PRKAR2A: variants seen among roughly 807,000 people sequenced by gnomAD.
The protein encoded by PRKAR2A is cAMP-dependent protein kinase type II-alpha regulatory subunit.
A neutral mutation model predicts 51.9 loss-of-function variants in PRKAR2A; 29 were observed. That is an observed-to-expected ratio of 0.56 (90% confidence interval 0.42 to 0.76). PRKAR2A has a LOEUF of 0.76. Ranked by LOEUF, PRKAR2A falls within the 30% of genes least tolerant of loss-of-function variation. PRKAR2A has a pLI of 0.00. For missense variants in PRKAR2A, 445 were observed against 512.1 expected (o/e 0.87, Z 1.26); for synonymous variants, 178 against 186.2 (o/e 0.96, Z 0.36).
chr3:48,782,963 A>T, intron 5 of PRKAR2A, 23 bp downstream of exon 5: 1 of 1,496,048 alleles, frequency 6.7e-7, no homozygotes, highest in Non-Finnish European at 9.3e-7. Flanking sequence ...GTGGCCACAC[A>T]ATTTCAAAGC....
chr3:48,759,377 C>T (rs1319134670), intron 8 of PRKAR2A, among the ~76,000 whole-genome samples: 4 of 151,164 alleles, frequency 2.6e-5, no homozygotes, highest in Admixed American at 2.0e-4. Flanking sequence ...GGAAGAGCAT[C>T]CTGCCCCTTT....
In PRKAR2A at chr3:48,847,591, G is replaced by A. The variant is rs1452644112; in HGVS notation, c.6C>T (p.Ser2=). Residue 2 remains serine, a synonymous_variant, in exon 1 of 11, where the codon AGC becomes AGT. Coordinates refer to ENST00000265563, the MANE Select transcript of PRKAR2A (RefSeq NM_004157.4). The surrounding 1 kb of genome is among the most constrained non-coding windows in gnomAD (Gnocchi z 4.4). The stretch of plus-strand genomic sequence containing the variant: ...TGAGCCCCGGCGGGATCTGGATGTG[G>A]CTCATGCCGGCGGCGGCCGAAGGGA... M[S]HIQIPPGLTE... is the part of the protein sequence containing the mutation. 1 of 1,495,630 alleles carries A rather than the reference G, an allele frequency of 6.7e-7. No individual in the cohort carries two copies. Among genetic ancestry groups the A allele is most frequent in the Non-Finnish European group, 8.9e-7 (1 of 1,129,380 alleles). The allele number at this position is 1,495,630 out of a possible 1,614,324, so 92.6% of individuals were successfully genotyped here. A position where few individuals can be genotyped will look rare whatever the true frequency, so the allele number is the denominator to read the frequency against.
intron 5 of PRKAR2A, among the ~76,000 whole-genome samples, chr3:48,773,887 T>C (rs2082067303): frequency 6.6e-6 from 1 of 151,760 alleles, no homozygotes. Flanking sequence ...TCATGGCTCA[T>C]TGCAGCCTCC....
chr3:48,825,495 T>C (rs534143468), intron 1 of PRKAR2A, among the ~76,000 whole-genome samples: 65 of 152,174 alleles, frequency 4.3e-4, no homozygotes, highest in African/African-American at 1.5e-3. Flanking sequence ...ACGTAAATGA[T>C]TAGCTGGGCA....
chr3:48,842,470 A>C (rs368714047), intron 1 of PRKAR2A, among the ~76,000 whole-genome samples: 1 of 152,162 alleles, frequency 6.6e-6, no homozygotes, highest in Non-Finnish European at 1.5e-5. Context: ...AGTGGTGAGA[A>C]AGGGCATCCC....
At position 48,747,139 on chromosome 3, in the gene PRKAR2A, T is replaced by C. The variant is rs565756140; in HGVS notation, c.*4446A>G. On this transcript the variant is annotated 3_prime_UTR_variant, in exon 11 of 11. Coordinates refer to ENST00000265563, the MANE Select transcript of PRKAR2A (RefSeq NM_004157.4). ...AGGCTGCTTCCCATAAAATAGACAATAGAATCATTGAGGAACGTCAGCAGT... is the reference window on the plus strand; with the variant it reads ...AGGCTGCTTCCCATAAAATAGACAACAGAATCATTGAGGAACGTCAGCAGT... 3 of 136,986 alleles carry C rather than the reference T, an allele frequency of 2.2e-5. No individual in the cohort carries two copies. The highest frequency in any genetic ancestry group is 4.6e-5 in the Non-Finnish European group (3 of 65,458). 8.5% of individuals were successfully genotyped at this position (136,986 alleles called of 1,614,324 possible).
chr3:48,774,207 T>C (rs1332178145), intron 5 of PRKAR2A, among the ~76,000 whole-genome samples: 2 of 152,120 alleles, frequency 1.3e-5, no homozygotes, highest in East Asian at 1.9e-4. Context: ...GTTGCATGCA[T>C]AGAATGGGTA....
intron 1 of PRKAR2A, among the ~76,000 whole-genome samples, chr3:48,833,562 G>A (rs1339430780): frequency 6.8e-6 from 1 of 147,464 alleles, no homozygotes. Context: ...ACAAAAATTA[G>A]CCGGATGTGG....
At chr3:48,829,314 T>A (rs1248697929) in intron 1 of PRKAR2A, among the ~76,000 whole-genome samples, 2 of 149,298 alleles carry the variant, frequency 1.3e-5, no homozygotes, top group East Asian at 4.2e-4. Context: ...AGGTCAGGAG[T>A]TCGAGGCCAG....
At chr3:48,744,750 G>A (rs1489837479), downstream of PRKAR2A, 2 of 152,154 alleles carry the variant, frequency 1.3e-5, no homozygotes, top group Non-Finnish European at 2.9e-5. Context: ...ACTGCAACAA[G>A]GCGCTTCCTT....
intron 2 of PRKAR2A, among the ~76,000 whole-genome samples, chr3:48,797,159 TTTA>T (rs901478431): frequency 1.4e-4 from 22 of 151,792 alleles, no homozygotes; most frequent in East Asian, 9.7e-4. Flanking sequence ...TTTATTTATT[TTTA>T]TTATTATTAT....
chr3:48,810,763 T>C (rs1439119409), intron 1 of PRKAR2A, among the ~76,000 whole-genome samples: 1 of 152,168 alleles, frequency 6.6e-6, no homozygotes, highest in African/African-American at 2.4e-5. Context: ...CATTATATTA[T>C]CATATATAAT....
At chr3:48,802,806 C>CA (rs980920626) in intron 2 of PRKAR2A, among the ~76,000 whole-genome samples, 12 of 151,842 alleles carry the variant, frequency 7.9e-5, no homozygotes, top group South Asian at 2.1e-4. Flanking sequence ...CAACAACAGT[C>CA]AAAAAAAAGT....
intron 9 of PRKAR2A, among the ~76,000 whole-genome samples, chr3:48,753,230 T>A (rs1175386539): frequency 6.6e-6 from 1 of 151,694 alleles, no homozygotes; most frequent in Non-Finnish European, 1.5e-5. Flanking sequence ...CCTCCCATTT[T>A]TTAAAATAAG....
intron 2 of PRKAR2A, among the ~76,000 whole-genome samples, chr3:48,806,620 T>C (rs1159368053): frequency 6.6e-6 from 1 of 152,086 alleles, no homozygotes; most frequent in African/African-American, 2.4e-5. Context: ...AGGGAAATTT[T>C]GCATTGAAAA....
chr3:48,787,982 A>G (rs1184808664), intron 4 of PRKAR2A, among the ~76,000 whole-genome samples: 2 of 152,214 alleles, frequency 1.3e-5, no homozygotes, highest in African/African-American at 4.8e-5. Flanking sequence ...CAATAGGCCT[A>G]GCACCTTAGC....
At chr3:48,829,056 G>C (rs554249638) in intron 1 of PRKAR2A, among the ~76,000 whole-genome samples, 1 of 151,664 alleles carries the variant, frequency 6.6e-6, no homozygotes, top group East Asian at 2.0e-4. Flanking sequence ...AGCTGGTCTC[G>C]AACTTCTGAC....
chr3:48,829,847 GTATA>G (rs1553681026), intron 1 of PRKAR2A, among the ~76,000 whole-genome samples: 10 of 63,758 alleles, frequency 1.6e-4, no homozygotes, highest in African/African-American at 5.8e-4. Context: ...ATGCGTGTGT[GTATA>G]TATATATATA....
chr3:48,815,685 T>A (rs1214639783), intron 1 of PRKAR2A, among the ~76,000 whole-genome samples: 1 of 136,268 alleles, frequency 7.3e-6, no homozygotes, highest in South Asian at 2.3e-4. Context: ...AGAGCAAGAC[T>A]CTGTCTCAGC....
Sources: gnomAD v4.1 joint callset for allele counts (sites outside exome capture counted in the v4.1 genomes callset) on GRCh38, gnomAD v4.1.1 for gene constraint, Gnocchi (gnomAD v3.1) non-coding constraint, MANE v1.5 for transcripts, NCBI Gene and HGNC (gene_info 2026-07-23, HGNC 2026-07-21) for gene names.